The following BICRA variants were observed in gnomAD, a reference collection of about 807,000 sequenced individuals.
BICRA encodes BRD4-interacting chromatin-remodeling complex-associated protein.
A neutral mutation model predicts 96.9 loss-of-function variants in BICRA; 31 were observed. The observed-to-expected ratio is 0.32, with a 90% CI of 0.24 to 0.43. BICRA has a LOEUF of 0.43. BICRA is among the 20% of genes least tolerant of loss of function. The pLI, the probability that BICRA is intolerant of heterozygous loss-of-function variation, is 1.00. For missense variants in BICRA, 2,283 were observed against 2,190.3 expected (o/e 1.04, Z -0.84); for synonymous variants, 1,350 against 1,071.8 (o/e 1.26, Z -5.07).
Position 47,680,466 on chromosome 19 carries a change from C to G in BICRA, c.1296C>G (p.Thr432=). ...TCAAGCAGCCACCGGCCACCACCAC[C>G]GGAGCGGCCCCGCCGCAGCCCCCCG... ...NVFKQPPATT[T]GAAPPQPPGA... is the part of the protein sequence containing the mutation. The change falls in exon 6 of 15, where the codon ACC becomes ACG. Residue 432 remains threonine (T), a synonymous_variant. Transcript: ENST00000594866. The G allele has an allele frequency of 1.9e-6, 3 of 1,540,186 alleles. No individual in the cohort carries two copies. The highest frequency in any genetic ancestry group is 2.6e-6 in the Non-Finnish European group (3 of 1,145,708).
At chr19:47,685,153 A>G (rs1022062594) in intron 7 of BICRA, among the ~76,000 whole-genome samples, 11 of 140,354 alleles carry the variant, frequency 7.8e-5, no homozygotes, top group Non-Finnish European at 1.2e-4. Flanking sequence ...TTTTTTTTGT[A>G]TTTTGTTTTG....
chr19:47,611,280 T>TC (rs1971903384), intron 1 of BICRA, among the ~76,000 whole-genome samples: 1 of 152,144 alleles, frequency 6.6e-6, no homozygotes, highest in African/African-American at 2.4e-5. Flanking sequence ...ATTTTTTTTT[T>TC]CCCTGGGAGC....
chr19:47,623,522 A>C, intron 1 of BICRA, among the ~76,000 whole-genome samples: 1 of 152,188 alleles, frequency 6.6e-6, no homozygotes, highest in East Asian at 1.9e-4. Flanking sequence ...ATTCAGACTC[A>C]CACTCAGGCT....
intron 1 of BICRA, among the ~76,000 whole-genome samples, chr19:47,648,959 C>T (rs1972504318): frequency 6.6e-6 from 1 of 151,734 alleles, no homozygotes. Context: ...TCACGCCATT[C>T]TCCTGCCTCA....
intron 1 of BICRA, among the ~76,000 whole-genome samples, chr19:47,642,477 G>C (rs1405456449): frequency 6.6e-6 from 1 of 152,134 alleles, no homozygotes; most frequent in African/African-American, 2.4e-5. Context: ...GAGGCGAGAG[G>C]ACTGCTTGTG....
Position 47,698,870 on chromosome 19 carries a change from A to C in BICRA, c.3397+88A>C, listed in dbSNP as rs1300784946. On this transcript the variant is annotated intron_variant, in intron 12 of 14. Coordinates refer to ENST00000594866, the MANE Select transcript of BICRA (RefSeq NM_001394372.1). This position sits in a 1 kb window ranked among gnomAD's most constrained non-coding sequence, Gnocchi z 4.8. Reference sequence around the variant, plus strand: ...GTCGCCAGTGTGGAGCCGCAGGTCCACGGTGCGCTATGCTGACCCTGCCCC... The same window carrying C: ...GTCGCCAGTGTGGAGCCGCAGGTCCCCGGTGCGCTATGCTGACCCTGCCCC... The C allele has an allele frequency of 1.1e-5, 15 of 1,341,502 alleles. No individual in the cohort carries two copies. The highest frequency in any genetic ancestry group is 1.6e-5 in the Non-Finnish European group (15 of 957,144). 83.1% of individuals were successfully genotyped at this position (1,341,502 alleles called of 1,614,324 possible). A position where few individuals can be genotyped will look rare whatever the true frequency, so the allele number is the denominator to read the frequency against.
In BICRA at chr19:47,683,586, G is replaced by GT. The variant is rs1481843081; in HGVS notation, c.2283+1436dup. Among the ~76,000 whole-genome samples the GT allele has an allele frequency of 2.4e-3, 310 of 128,636 alleles. 1 individual carries two copies. Among genetic ancestry groups the GT allele is most frequent in the Admixed American group, 0.015 (173 of 11,760 alleles). The allele number at this position is 128,636 out of a possible 152,430, so 84.4% of individuals were successfully genotyped here. On this transcript the variant is annotated intron_variant, in intron 7 of 14. Coordinates refer to ENST00000594866, the MANE Select transcript of BICRA (RefSeq NM_001394372.1). ...AACATAACAGGTTAGGGAGGGCTAC[G>GT]TTCTTTTTTTTTTTTTGAGATGGAG...
At position 47,681,136 on chromosome 19, in the gene BICRA, G is replaced by GCCGCCCCGCCTCAGGCCA. The variant is rs1050506044; in HGVS notation, c.1969_1986dup (p.Ala657_Thr662dup). On this transcript the variant is annotated inframe_insertion, in exon 6 of 15. Transcript: ENST00000594866. Reference sequence around the variant, plus strand: ...CCCGCAGGCCCCCACCCCACAGGCCGCCGCCCCGCCTCAGGCCACCACCCC... The same window carrying GCCGCCCCGCCTCAGGCCA: ...CCCGCAGGCCCCCACCCCACAGGCCGCCGCCCCGCCTCAGGCCACCGCCCCGCCTCAGGCCACCACCCC... The GCCGCCCCGCCTCAGGCCA allele has an allele frequency of 2.2e-6, 3 of 1,352,398 alleles. No homozygotes were observed. In the African/African-American group the frequency reaches 4.5e-5, roughly 20 times the overall value. 83.8% of individuals were successfully genotyped at this position (1,352,398 alleles called of 1,614,324 possible). A position where few individuals can be genotyped will look rare whatever the true frequency, so the allele number is the denominator to read the frequency against.
chr19:47,614,746 A>C (rs139492002), intron 1 of BICRA, among the ~76,000 whole-genome samples: 1 of 152,158 alleles, frequency 6.6e-6, no homozygotes, highest in African/African-American at 2.4e-5. Context: ...GTCTTCCTCT[A>C]TCTTTTTCTT....
intron 1 of BICRA, among the ~76,000 whole-genome samples, chr19:47,632,331 GC>G (rs1972233098): frequency 6.6e-6 from 1 of 152,250 alleles, no homozygotes. Flanking sequence ...TCCATGCCAG[GC>G]CTGTGCCGGA....
At chr19:47,634,263 G>T (rs1449118435) in intron 1 of BICRA, among the ~76,000 whole-genome samples, 1 of 152,190 alleles carries the variant, frequency 6.6e-6, no homozygotes, top group Non-Finnish European at 1.5e-5. Flanking sequence ...AGCCCAGAGC[G>T]AGGCCATGGC....
chr19:47,695,342 T>TCGGGGGCC, intron 9 of BICRA, 23 bp from the exon 10 acceptor site: 1 of 630,166 alleles, frequency 1.6e-6, no homozygotes, highest in Non-Finnish European at 2.8e-6. Flanking sequence ...AGGCCCTGTC[T>TCGGGGGCC]CCCCCACCCC....
intron 1 of BICRA, among the ~76,000 whole-genome samples, chr19:47,644,435 C>T (rs1044388734): frequency 1.1e-4 from 15 of 142,730 alleles, no homozygotes; most frequent in African/African-American, 3.2e-4. Flanking sequence ...TCCCTCCCTC[C>T]CTTCCTCCCT....
At position 47,624,992 on chromosome 19, in the gene BICRA, CTTTTTTTTTTTTTTT is replaced by C. The variant is rs35273886; in HGVS notation, c.-108+15835_-108+15849del. 2.1e-4 allele frequency among the ~76,000 whole-genome samples: 12 copies of C among 57,924 alleles called. No individual in the cohort carries two copies. In the East Asian group the frequency reaches 7.3e-3, roughly 35 times the overall value. The allele number at this position is 57,924 out of a possible 152,430, so 38.0% of individuals were successfully genotyped here. ...TACAGACATGAGCCACTGCACCTGG[CTTTTTTTTTTTTTTT>C]TTTTTTTTTTGAGACAGAGTCTCAC... is the stretch of plus-strand genomic sequence containing the variant. On this transcript the variant is annotated intron_variant, in intron 1 of 14. Transcript: ENST00000594866.
rs2911006 is a variant in BICRA, at chr19:47,679,689, T to C, written c.519T>C (p.Pro173=). Residue 173 remains proline, a synonymous_variant, in exon 6 of 15, where the codon CCT becomes CCC. Coordinates refer to ENST00000594866, the MANE Select transcript of BICRA (RefSeq NM_001394372.1). ...ACCTGCTGGGGCTGCAGGGCCCGCC[T>C]ACCGTGCTGACCCACCAGGCCCTGG... The part of the protein sequence containing the change: ...STDLLGLQGP[P]TVLTHQALVP... The C allele has an allele frequency of 0.75, 1,142,719 of 1,525,910 alleles. 429,993 individuals carry two copies. The highest frequency in any genetic ancestry group is 0.96 in the East Asian group (38,918 of 40,380). The allele number at this position is 1,525,910 out of a possible 1,614,324, so 94.5% of individuals were successfully genotyped here. A position where few individuals can be genotyped will look rare whatever the true frequency, so the allele number is the denominator to read the frequency against.
In BICRA at chr19:47,679,780, G is replaced by C; in HGVS notation, c.610G>C (p.Gly204Arg). 6.7e-7 allele frequency: 1 copy of C among 1,503,480 alleles called. No homozygotes were observed. Among genetic ancestry groups the C allele is most frequent in the Non-Finnish European group, 8.9e-7 (1 of 1,128,128 alleles). The allele number at this position is 1,503,480 out of a possible 1,614,324, so 93.1% of individuals were successfully genotyped here. A position where few individuals can be genotyped will look rare whatever the true frequency, so the allele number is the denominator to read the frequency against. The change falls in exon 6 of 15, where the codon GGC becomes CGC. Residue 204 changes from glycine to arginine, a missense_variant. Physicochemically the swap from Gly to Arg is moderately radical, Grantham distance 125. Transcript: ENST00000594866. ...VQPFLQPVGL[G>R]NVTLQPIPGL... ...GCCCTTCCTGCAGCCTGTGGGCCTG[G>C]GCAATGTGACACTGCAGCCCATCCC...
chr19:47,678,983 C>T (rs999249714), intron 5 of BICRA: 1 of 244,142 alleles, frequency 4.1e-6, no homozygotes, highest in Non-Finnish European at 7.7e-6. Context: ...ACTCTGCAGC[C>T]TCAAACTCCT....
intron 1 of BICRA, among the ~76,000 whole-genome samples, chr19:47,609,676 C>T (rs930275366): frequency 2.6e-5 from 4 of 151,862 alleles, no homozygotes; most frequent in Admixed American, 6.5e-5. Flanking sequence ...CGAAGGCCAC[C>T]GGGCAGCGGG....
intron 1 of BICRA, among the ~76,000 whole-genome samples, chr19:47,640,622 C>T (rs1392608029): frequency 1.3e-5 from 2 of 151,332 alleles, no homozygotes; most frequent in African/African-American, 4.8e-5. Flanking sequence ...GTACTGAGTG[C>T]TGTGGAAGAA....
Sources: allele counts gnomAD v4.1 joint callset (sites outside exome capture counted in the v4.1 genomes callset), GRCh38; gene constraint gnomAD v4.1.1; non-coding constraint Gnocchi (gnomAD v3.1); transcripts MANE v1.5; gene names NCBI Gene and HGNC (gene_info 2026-07-23, HGNC 2026-07-21).